Variants in CBFA2T3 observed in about 807,000 individuals in gnomAD.
The protein encoded by CBFA2T3 is CBFA2/RUNX1 partner transcriptional co-repressor 3.
CBFA2T3 carries 31 observed loss-of-function variants against 58.6 expected under a neutral mutation model. The observed-to-expected ratio is 0.53, with a 90% CI of 0.40 to 0.71. The LOEUF is 0.71. Ranked by LOEUF, CBFA2T3 falls within the 30% of genes least tolerant of loss-of-function variation. The probability of loss-of-function intolerance (pLI) is 0.00; values close to 1 mark genes in which losing one functional copy is unlikely to be tolerated. For synonymous variants in CBFA2T3, 531 were observed against 421.9 expected (o/e 1.26, Z -3.17); for missense variants, 1,076 against 963.1 (o/e 1.12, Z -1.55).
chr16:88,945,561 A>G (rs1407683210), intron 1 of CBFA2T3, among the ~76,000 whole-genome samples: 1 of 152,236 alleles, frequency 6.6e-6, no homozygotes, highest in African/African-American at 2.4e-5. Flanking sequence ...GCAAATAAGC[A>G]CAGGAAACGA....
chr16:88,891,117 T>A (rs966388148), intron 5 of CBFA2T3, among the ~76,000 whole-genome samples: 1 of 152,158 alleles, frequency 6.6e-6, no homozygotes, highest in African/African-American at 2.4e-5. Flanking sequence ...CACCTCTTCA[T>A]CCATCGGCCT....
chr16:88,945,753 G>C (rs1408623069), intron 1 of CBFA2T3, among the ~76,000 whole-genome samples: 1 of 152,194 alleles, frequency 6.6e-6, no homozygotes, highest in African/African-American at 2.4e-5. Flanking sequence ...TTGGAAGACA[G>C]TTTGACTGTT....
intron 1 of CBFA2T3, among the ~76,000 whole-genome samples, chr16:88,944,108 C>T (rs1341531771): frequency 6.6e-6 from 1 of 152,210 alleles, no homozygotes; most frequent in Non-Finnish European, 1.5e-5. Context: ...GAGGCCGAGG[C>T]CGGCGGATCA....
intron 10 of CBFA2T3, 105 bp from the exon 11 acceptor site, chr16:88,879,565 T>C: frequency 3.1e-6 from 3 of 974,900 alleles, no homozygotes; most frequent in Non-Finnish European, 4.7e-6. Flanking sequence ...TGTGTGCAGC[T>C]GAACACACGT....
rs1969035105 is a variant in CBFA2T3, at chr16:88,880,741, C to T, written c.1450G>A (p.Glu484Lys). The T allele has an allele frequency of 1.9e-6, 3 of 1,575,090 alleles. No individual in the cohort carries two copies. Among genetic ancestry groups the T allele is most frequent in the Non-Finnish European group, 2.6e-6 (3 of 1,159,822 alleles). ...LPRTLTGYVP[E>K]DIWRKAEEAV... ...TCACCAGCCTTCCTCCAGATGTCCT[C>T]AGGCACGTAGCCGGTGAGGGTCCTC... is the stretch of plus-strand genomic sequence containing the variant. The change falls in exon 10 of 12, where the codon GAG (glutamate) becomes AAG (lysine). Residue 484 changes from glutamate (E) to lysine (K), a missense_variant. Glu to Lys is a moderately conservative substitution (Grantham distance 56). Coordinates refer to ENST00000268679, the MANE Select transcript of CBFA2T3 (RefSeq NM_005187.6).
At chr16:88,945,186 C>T (rs979694835) in intron 1 of CBFA2T3, among the ~76,000 whole-genome samples, 1 of 152,176 alleles carries the variant, frequency 6.6e-6, no homozygotes, top group Non-Finnish European at 1.5e-5. Context: ...TAGCCACTGT[C>T]GTTCATTAAA....
intron 1 of CBFA2T3, among the ~76,000 whole-genome samples, chr16:88,915,926 G>T (rs1004687123): frequency 6.6e-6 from 1 of 152,094 alleles, no homozygotes; most frequent in Non-Finnish European, 1.5e-5. Context: ...CATTAGGCAT[G>T]TGTGCGTGTG....
intron 1 of CBFA2T3, chr16:88,941,866 G>GGTGGGGA (rs1971750608): frequency 6.7e-6 from 1 of 148,300 alleles, no homozygotes; most frequent in African/African-American, 2.5e-5. Flanking sequence ...GGTGTGGGGG[G>GGTGGGGA]GGTGGGGAGG....
chr16:88,903,698 G>T (rs1970193287), intron 1 of CBFA2T3, among the ~76,000 whole-genome samples: 1 of 135,938 alleles, frequency 7.4e-6, no homozygotes, highest in Non-Finnish European at 1.6e-5. Flanking sequence ...TCCTGGGGGG[G>T]GCGTTCCTGG....
intron 3 of CBFA2T3, among the ~76,000 whole-genome samples, chr16:88,895,425 C>T (rs1443325398): frequency 6.6e-6 from 1 of 152,240 alleles, no homozygotes; most frequent in Non-Finnish European, 1.5e-5. Flanking sequence ...CACCTGCACA[C>T]AGGCTGCGCG....
chr16:88,924,321 T>C (rs1567611189), intron 1 of CBFA2T3, among the ~76,000 whole-genome samples: 1 of 152,178 alleles, frequency 6.6e-6, no homozygotes, highest in South Asian at 2.1e-4. Flanking sequence ...ACCGCTCCAG[T>C]CGCCCTGCAC....
rs545250790 is a variant in CBFA2T3, at chr16:88,958,437, G to A, written c.151+18220C>T. On this transcript the variant is annotated intron_variant, in intron 1 of 11. Transcript: ENST00000268679. This position sits in a 1 kb window ranked among gnomAD's most constrained non-coding sequence, Gnocchi z 4.0. ...TGGGGGTGTTAGAGTAATGCCAGGC[G>A]GGGCGGCGGGGGAAGAAGGTTCTGG... Among the ~76,000 whole-genome samples the A allele has an allele frequency of 2.0e-4, 30 of 152,238 alleles. No homozygotes were observed. Among genetic ancestry groups the A allele is most frequent in the African/African-American group, 5.5e-4 (23 of 41,528 alleles).
intron 1 of CBFA2T3, chr16:88,941,100 C>T (rs919263556): frequency 1.0e-6 from 1 of 984,428 alleles, no homozygotes; most frequent in African/African-American, 1.8e-5. Context: ...CTCCTTCCAG[C>T]TTGGTCCCCG....
intron 1 of CBFA2T3, among the ~76,000 whole-genome samples, chr16:88,922,783 G>A (rs908533148): frequency 1.3e-5 from 2 of 152,234 alleles, no homozygotes; most frequent in African/African-American, 4.8e-5. Context: ...CACTGTTCCC[G>A]TGGCACAGGC....
chr16:88,923,022 G>A (rs1025625646), intron 1 of CBFA2T3, among the ~76,000 whole-genome samples: 1 of 152,188 alleles, frequency 6.6e-6, no homozygotes, highest in African/African-American at 2.4e-5. Context: ...GCTCTTTACA[G>A]GCCCCCAGCG....
intron 1 of CBFA2T3, among the ~76,000 whole-genome samples, chr16:88,907,330 C>T (rs1328154977): frequency 6.6e-6 from 1 of 151,804 alleles, no homozygotes; most frequent in African/African-American, 2.4e-5. Context: ...AGTATCCTAA[C>T]CCCTCCCTGG....
At chr16:88,956,334 C>T (rs988260856) in intron 1 of CBFA2T3, among the ~76,000 whole-genome samples, 2 of 152,234 alleles carry the variant, frequency 1.3e-5, no homozygotes, top group Admixed American at 1.3e-4. Flanking sequence ...GGGCGGGAGA[C>T]CTTCACCCAC....
intron 1 of CBFA2T3, among the ~76,000 whole-genome samples, chr16:88,967,344 T>C (rs901529724): frequency 6.6e-6 from 1 of 152,252 alleles, no homozygotes; most frequent in African/African-American, 2.4e-5. Flanking sequence ...TTTCTGTAAC[T>C]GTGCGAGACA....
At chr16:88,966,498 C>T (rs937009006) in intron 1 of CBFA2T3, among the ~76,000 whole-genome samples, 20 of 151,806 alleles carry the variant, frequency 1.3e-4, no homozygotes, top group African/African-American at 4.6e-4. Context: ...AACCCATGTC[C>T]AGACGAGGAC....
Sources: allele counts gnomAD v4.1 joint callset (sites outside exome capture counted in the v4.1 genomes callset), GRCh38; gene constraint gnomAD v4.1.1; non-coding constraint Gnocchi (gnomAD v3.1); transcripts MANE v1.5; gene names NCBI Gene and HGNC (gene_info 2026-07-23, HGNC 2026-07-21).